Variants in TRAPPC9 observed in about 807,000 individuals in gnomAD.
TRAPPC9 encodes the protein trafficking protein particle complex subunit 9.
In TRAPPC9, 83 loss-of-function variants were observed where a neutral mutation model predicts 124.0. The ratio of observed to expected loss-of-function variants is 0.67; its 90% confidence interval spans 0.56 to 0.80. The LOEUF (loss-of-function observed/expected upper bound fraction) is 0.80. TRAPPC9 is among the 30% of genes least tolerant of loss of function. TRAPPC9 has a pLI of 0.00. For synonymous variants in TRAPPC9, 638 were observed against 617.5 expected, an observed-to-expected ratio of 1.03 and a Z score of -0.49; for missense variants, 1,302 against 1,508.3, an observed-to-expected ratio of 0.86 and a Z score of 2.27.
intron 18 of TRAPPC9, chr8:140,008,460 C>T (rs1195151669): frequency 1.3e-5 from 2 of 152,310 alleles, no homozygotes; most frequent in East Asian, 1.9e-4. Flanking sequence ...AGAGGGGAGC[C>T]CCTTACCTTG....
chr8:140,329,264 G>T (rs762528465), intron 9 of TRAPPC9, among the ~76,000 whole-genome samples: 4 of 152,178 alleles, frequency 2.6e-5, no homozygotes, highest in Non-Finnish European at 5.9e-5. Flanking sequence ...CTTCTGGAAA[G>T]AAAAGAAATG....
At chr8:140,255,059 A>G (rs894409717) in intron 15 of TRAPPC9, among the ~76,000 whole-genome samples, 1 of 152,222 alleles carries the variant, frequency 6.6e-6, no homozygotes, top group African/African-American at 2.4e-5. Context: ...GGTGTGCTCG[A>G]CCATGGCACG....
At chr8:140,155,364 G>A (rs947594382) in intron 17 of TRAPPC9, among the ~76,000 whole-genome samples, 4 of 152,154 alleles carry the variant, frequency 2.6e-5, no homozygotes, top group Non-Finnish European at 5.9e-5. Flanking sequence ...GGGAAAAAGC[G>A]TGTGCTCCCA....
chr8:139,847,596 C>T (rs1051794260), intron 21 of TRAPPC9, among the ~76,000 whole-genome samples: 5 of 147,154 alleles, frequency 3.4e-5, no homozygotes, highest in Non-Finnish European at 6.0e-5. Context: ...GGCACGAGCA[C>T]CTGCCTCCCA....
intron 6 of TRAPPC9, among the ~76,000 whole-genome samples, chr8:140,403,126 T>C (rs978163355): frequency 6.6e-6 from 1 of 152,128 alleles, no homozygotes; most frequent in Non-Finnish European, 1.5e-5. Flanking sequence ...TATTCTATCA[T>C]TAAGAAAGTA....
rs556456646 is a variant in TRAPPC9, at chr8:140,378,387, A to G, written c.1135-7207T>C. Among the ~76,000 whole-genome samples the G allele has an allele frequency of 3.3e-5, 5 of 152,280 alleles. No homozygotes were observed. In the South Asian group the frequency reaches 8.3e-4, roughly 25 times the overall value. On this transcript the variant is annotated intron_variant, in intron 7 of 22. Coordinates refer to ENST00000438773, the MANE Select transcript of TRAPPC9 (RefSeq NM_001160372.4). ...GAATATAAGCAGGCAGAAAATATGAAAAGACGAGGCTGGCCTAGCCTCCCA... is the reference window on the plus strand; with the variant it reads ...GAATATAAGCAGGCAGAAAATATGAGAAGACGAGGCTGGCCTAGCCTCCCA...
chr8:139,975,925 G>GTTT (rs1438455051), intron 19 of TRAPPC9, among the ~76,000 whole-genome samples: 1 of 123,406 alleles, frequency 8.1e-6, no homozygotes, highest in Non-Finnish European at 1.7e-5. Context: ...AGAAAGGACA[G>GTTT]TCTTTTTTTT....
intron 21 of TRAPPC9, among the ~76,000 whole-genome samples, chr8:139,839,429 G>C (rs956532996): frequency 1.3e-5 from 2 of 152,218 alleles, no homozygotes; most frequent in African/African-American, 2.4e-5. Flanking sequence ...GGAGGGGACA[G>C]ACAGGCCACC....
chr8:140,368,339 C>A (rs1312195737), intron 8 of TRAPPC9, among the ~76,000 whole-genome samples: 4 of 152,150 alleles, frequency 2.6e-5, no homozygotes, highest in African/African-American at 9.7e-5. Flanking sequence ...ACACAAAGTG[C>A]CAAACTCCCT....
intron 21 of TRAPPC9, among the ~76,000 whole-genome samples, chr8:139,850,629 CTG>C (rs1827381186): frequency 6.6e-6 from 1 of 152,230 alleles, no homozygotes; most frequent in Non-Finnish European, 1.5e-5. Flanking sequence ...AAACTTTTTT[CTG>C]TGTCAATGAG....
chr8:139,833,760 A>G (rs546646651), intron 21 of TRAPPC9, among the ~76,000 whole-genome samples: 51 of 152,282 alleles, frequency 3.3e-4, no homozygotes, highest in Admixed American at 6.5e-4. Flanking sequence ...AGGAGAGCTG[A>G]GAGGTGTGCC....
intron 17 of TRAPPC9, among the ~76,000 whole-genome samples, chr8:140,183,667 T>C (rs1587872785): frequency 6.6e-6 from 1 of 151,662 alleles, no homozygotes; most frequent in Non-Finnish European, 1.5e-5. Flanking sequence ...GAGACCAGCC[T>C]GGCCAAATGG....
intron 20 of TRAPPC9, among the ~76,000 whole-genome samples, chr8:139,902,074 C>A (rs1831054526): frequency 6.6e-6 from 1 of 152,134 alleles, no homozygotes; most frequent in Non-Finnish European, 1.5e-5. Context: ...GTGTATATGT[C>A]CAACATGTAC....
intron 8 of TRAPPC9, among the ~76,000 whole-genome samples, 159 bp downstream of exon 8, chr8:140,370,805 A>T (rs2068258685): frequency 6.6e-6 from 1 of 152,212 alleles, no homozygotes; most frequent in South Asian, 2.1e-4. Context: ...TTTTCCTATA[A>T]TCGGATTACA....
rs182395361 is a variant in TRAPPC9, at chr8:140,247,359, C to A, written c.2431+5418G>T. Among the ~76,000 whole-genome samples the A allele has an allele frequency of 2.2e-4, 33 of 152,320 alleles. No homozygotes were observed. In the East Asian group the frequency reaches 5.0e-3, roughly 23 times the overall value. On this transcript the variant is annotated intron_variant, in intron 16 of 22. Transcript: ENST00000438773. ...TAGCTAGACATAGTCTAGATACATG[C>A]TATTCTATTGGCTTCTGGAATACTG...
intron 17 of TRAPPC9, among the ~76,000 whole-genome samples, chr8:140,189,049 A>T (rs2131067064): frequency 6.6e-6 from 1 of 152,306 alleles, no homozygotes; most frequent in Non-Finnish European, 1.5e-5. Flanking sequence ...TATGGAACCC[A>T]TACCATACAC....
intron 17 of TRAPPC9, among the ~76,000 whole-genome samples, chr8:140,069,888 G>A (rs894710367): frequency 6.6e-6 from 1 of 152,228 alleles, no homozygotes; most frequent in Non-Finnish European, 1.5e-5. Context: ...CAGTCCTAGA[G>A]TCCAAAGGCC....
intron 21 of TRAPPC9, among the ~76,000 whole-genome samples, chr8:139,843,974 C>T (rs2130900037): frequency 6.6e-6 from 1 of 152,364 alleles, no homozygotes; most frequent in African/African-American, 2.4e-5. Flanking sequence ...TGCTCTCTAG[C>T]TATTCCTTGG....
At chr8:140,224,339 T>C (rs1056613418) in intron 16 of TRAPPC9, among the ~76,000 whole-genome samples, 1 of 152,214 alleles carries the variant, frequency 6.6e-6, no homozygotes. Flanking sequence ...ACAGGGCTAC[T>C]GTCTAGCAGA....
Sources: gnomAD v4.1 joint callset for allele counts (sites outside exome capture counted in the v4.1 genomes callset) on GRCh38, gnomAD v4.1.1 for gene constraint, MANE v1.5 for transcripts, NCBI Gene and HGNC (gene_info 2026-07-23, HGNC 2026-07-21) for gene names.